Variants in CNTNAP2 observed in about 807,000 individuals in gnomAD.
The protein encoded by CNTNAP2 is contactin associated protein 2, also known as contactin-associated protein-like 2.
CNTNAP2 carries 98 observed loss-of-function variants against 155.2 expected under a neutral mutation model. The ratio of observed to expected loss-of-function variants is 0.63; its 90% CI spans 0.54 to 0.75. CNTNAP2 has a LOEUF of 0.75. Ranked by LOEUF, CNTNAP2 falls within the 30% of genes least tolerant of loss-of-function variation. The pLI, the probability that CNTNAP2 is intolerant of heterozygous loss-of-function variation, is 0.00. For missense variants in CNTNAP2, 1,727 were observed against 1,688.1 expected, an observed-to-expected ratio of 1.02 and a Z score of -0.40; for synonymous variants, 651 against 631.2, an observed-to-expected ratio of 1.03 and a Z score of -0.47.
intron 6 of CNTNAP2, 37 bp from the exon 7 acceptor site, chr7:147,128,656 A>T (rs201927719): frequency 6.2e-7 from 1 of 1,612,848 alleles, no homozygotes; most frequent in East Asian, 2.2e-5. Flanking sequence ...ATCATAATAC[A>T]ATGTGGACGT....
At position 146,644,885 on chromosome 7, in the gene CNTNAP2, C is replaced by T. The variant is rs904553209; in HGVS notation, c.98-129386C>T. Among the ~76,000 whole-genome samples, 3 of 151,994 alleles carry T rather than the reference C, an allele frequency of 2.0e-5. No individual in the cohort carries two copies. The East Asian group carries it at 5.8e-4, about 29-fold the overall frequency. ...GTCCAGGACCAGATGGATTCACAGC[C>T]GAATTCTACCAGAGGTACAAGGAGG... On this transcript the variant is annotated intron_variant, in intron 1 of 23. Transcript: ENST00000361727.
chr7:146,770,214 C>T (rs1274737016), intron 1 of CNTNAP2, among the ~76,000 whole-genome samples: 1 of 151,520 alleles, frequency 6.6e-6, no homozygotes, highest in African/African-American at 2.4e-5. Flanking sequence ...TTTATTACTG[C>T]CACTTATGGA....
At chr7:147,880,866 T>TGTGTGTGG (rs1799508187) in intron 13 of CNTNAP2, among the ~76,000 whole-genome samples, 1 of 102,228 alleles carries the variant, frequency 9.8e-6, no homozygotes, top group Admixed American at 1.0e-4. Flanking sequence ...TGTGTGTGTG[T>TGTGTGTGG]GTGTGTGTGT....
chr7:146,409,335 T>C (rs1795835413), intron 1 of CNTNAP2, among the ~76,000 whole-genome samples: 1 of 152,172 alleles, frequency 6.6e-6, no homozygotes, highest in South Asian at 2.1e-4. Flanking sequence ...ACCTAAAAAC[T>C]AGCCAATCGC....
At chr7:146,667,029 G>A (rs1230486823) in intron 1 of CNTNAP2, among the ~76,000 whole-genome samples, 1 of 151,968 alleles carries the variant, frequency 6.6e-6, no homozygotes. Flanking sequence ...TTGTACTTTT[G>A]AGGAACTTTT....
chr7:148,218,344 T>C lies in CNTNAP2; in HGVS notation c.3247+820T>C, dbSNP rs535717449. ...TTCATTCCCAATCCTCTCAGAACTT[T>C]AAATTCACAAAGTGTATCCCTGTCA... On this transcript the variant is annotated intron_variant, in intron 19 of 23. Coordinates refer to ENST00000361727, the MANE Select transcript of CNTNAP2 (RefSeq NM_014141.6). Among the ~76,000 whole-genome samples, 16 of 152,316 alleles carry C rather than the reference T, an allele frequency of 1.1e-4. No homozygotes were observed. The East Asian group carries it at 2.9e-3, about 28-fold the overall frequency.
At chr7:148,281,750 C>T (rs1796976357) in intron 21 of CNTNAP2, among the ~76,000 whole-genome samples, 2 of 151,506 alleles carry the variant, frequency 1.3e-5, no homozygotes, top group South Asian at 4.2e-4. Context: ...TTTGTTGAAA[C>T]TTTGTCACAT....
At chr7:147,730,968 A>G (rs1455853755) in intron 13 of CNTNAP2, among the ~76,000 whole-genome samples, 1 of 152,134 alleles carries the variant, frequency 6.6e-6, no homozygotes, top group Non-Finnish European at 1.5e-5. Context: ...AGCCTATTCC[A>G]GAGCAAGGCC....
rs1369954916 is a variant in CNTNAP2, at chr7:148,337,965, C to G, written c.3476-45684C>G. ...TCTTAAATTTACATACGATAAAATC[C>G]ACTATTTTATATTAAGTAGAGTTAT... is the stretch of plus-strand genomic sequence containing the variant. On this transcript the variant is annotated intron_variant, in intron 21 of 23. Transcript: ENST00000361727. 3.3e-5 allele frequency among the ~76,000 whole-genome samples: 5 copies of G among 152,226 alleles called. No homozygotes were observed. The East Asian group carries it at 9.6e-4, about 29-fold the overall frequency.
intron 1 of CNTNAP2, among the ~76,000 whole-genome samples, chr7:146,441,497 G>T (rs1489637577): frequency 2.0e-5 from 3 of 151,448 alleles, no homozygotes; most frequent in African/African-American, 7.4e-5. Flanking sequence ...CCTCTCTGCT[G>T]CTGATTACAT....
intron 11 of CNTNAP2, among the ~76,000 whole-genome samples, chr7:147,520,181 G>A (rs556973136): frequency 3.3e-5 from 5 of 152,164 alleles, no homozygotes; most frequent in Admixed American, 2.6e-4. Context: ...TTATGAACAC[G>A]AATACTTGGC....
intron 19 of CNTNAP2, among the ~76,000 whole-genome samples, chr7:148,223,533 G>T (rs143441724): frequency 0.012 from 1,862 of 152,278 alleles, 45 homozygotes; most frequent in African/African-American, 0.041. Flanking sequence ...ACACAGAAGT[G>T]AAGCACCTCA....
rs1455617021 is a variant in CNTNAP2, at chr7:148,418,722, T to A, written c.*3106T>A. On this transcript the variant is annotated 3_prime_UTR_variant, in exon 24 of 24. Transcript: ENST00000361727. The stretch of plus-strand genomic sequence containing the variant: ...TTAAAAATGTATTTCCCCTTGTGGC[T>A]TTCAACCACCTGCTCAAAAAAAGAG... 2.0e-5 allele frequency: 3 copies of A among 152,200 alleles called. No homozygotes were observed. The highest frequency in any genetic ancestry group is 7.2e-5 in the African/African-American group (3 of 41,418). 9.4% of individuals were successfully genotyped at this position (152,200 alleles called of 1,614,324 possible).
At chr7:146,721,360 A>G (rs1801304753) in intron 1 of CNTNAP2, among the ~76,000 whole-genome samples, 1 of 130,710 alleles carries the variant, frequency 7.7e-6, no homozygotes, top group Non-Finnish European at 1.5e-5. Context: ...TACATTCTAT[A>G]TACATTCTAT....
At chr7:146,455,426 A>G (rs1175131945) in intron 1 of CNTNAP2, among the ~76,000 whole-genome samples, 3 of 152,024 alleles carry the variant, frequency 2.0e-5, no homozygotes, top group Admixed American at 2.0e-4. Context: ...TTTCCTTTCA[A>G]TTTCAAAATG....
chr7:147,764,312 C>T (rs1378148161), intron 13 of CNTNAP2, among the ~76,000 whole-genome samples: 1 of 152,104 alleles, frequency 6.6e-6, no homozygotes, highest in Non-Finnish European at 1.5e-5. Flanking sequence ...CCAACTAAAA[C>T]TCTCCTGCTC....
chr7:146,133,054 C>G (rs1317950194), intron 1 of CNTNAP2, among the ~76,000 whole-genome samples: 1 of 146,940 alleles, frequency 6.8e-6, no homozygotes, highest in Non-Finnish European at 1.5e-5. Context: ...TCCTATTTCT[C>G]CACATCCTCT....
At chr7:146,451,605 G>A (rs1468896916) in intron 1 of CNTNAP2, among the ~76,000 whole-genome samples, 3 of 151,998 alleles carry the variant, frequency 2.0e-5, no homozygotes, top group Non-Finnish European at 2.9e-5. Flanking sequence ...CGGGCCCTAC[G>A]TTTTTATTTT....
At chr7:147,588,488 A>T (rs1177509772) in intron 12 of CNTNAP2, among the ~76,000 whole-genome samples, 1 of 152,198 alleles carries the variant, frequency 6.6e-6, no homozygotes, top group Non-Finnish European at 1.5e-5. Context: ...TTCCAGCTAT[A>T]GTACCCTGAA....
Sources: gnomAD v4.1 joint callset for allele counts (sites outside exome capture counted in the v4.1 genomes callset) on GRCh38, gnomAD v4.1.1 for gene constraint, MANE v1.5 for transcripts, NCBI Gene and HGNC (gene_info 2026-07-23, HGNC 2026-07-21) for gene names.